MYO18B: variants seen among roughly 807,000 people sequenced by gnomAD.
MYO18B encodes the protein myosin XVIIIB.
A neutral mutation model predicts 273.0 loss-of-function variants in MYO18B; 204 were observed. That is an observed-to-expected ratio of 0.75 (90% CI 0.67 to 0.84). The LOEUF (loss-of-function observed/expected upper bound fraction) is 0.84, where lower values mean the gene tolerates loss of function less well. Ranked by LOEUF, MYO18B falls within the 40% of genes least tolerant of loss-of-function variation. The pLI is 0.00. For synonymous variants in MYO18B, 1,330 were observed against 1,305.7 expected (o/e 1.02, Z -0.40); for missense variants, 3,212 against 3,287.6 (o/e 0.98, Z 0.56).
chr22:25,748,374 G>A (rs1021620356), intron 1 of MYO18B, among the ~76,000 whole-genome samples: 1 of 152,164 alleles, frequency 6.6e-6, no homozygotes, highest in Admixed American at 6.5e-5. Flanking sequence ...TGGATGCCAG[G>A]ATATAGGAGA....
intron 21 of MYO18B, among the ~76,000 whole-genome samples, chr22:25,867,755 G>A (rs980569183): frequency 9.2e-5 from 14 of 151,902 alleles, no homozygotes; most frequent in Middle Eastern, 3.2e-3. Flanking sequence ...TCAGCCTCCC[G>A]AGTAGCTGGG....
At chr22:25,959,156 G>A (rs1169360716) in intron 39 of MYO18B, 2 of 151,852 alleles carry the variant, frequency 1.3e-5, no homozygotes, top group Non-Finnish European at 2.9e-5. Flanking sequence ...GGCATGCACT[G>A]TGATTTGAGG....
At chr22:25,783,454 C>T (rs1490291811) in intron 10 of MYO18B, among the ~76,000 whole-genome samples, 1 of 152,214 alleles carries the variant, frequency 6.6e-6, no homozygotes, top group African/African-American at 2.4e-5. Flanking sequence ...GCCCCGTGGC[C>T]TCACCTCTTG....
downstream of MYO18B, among the ~76,000 whole-genome samples, chr22:26,034,618 C>A (rs1035069992): frequency 1.3e-5 from 2 of 152,192 alleles, no homozygotes; most frequent in Non-Finnish European, 2.9e-5. Context: ...CTGATGTAAC[C>A]AAAATTATTT....
In MYO18B at chr22:25,763,223, C is replaced by T. The variant is rs776692291; in HGVS notation, c.40-8C>T. The T allele has an allele frequency of 1.2e-6, 2 of 1,608,044 alleles. No homozygotes were observed. The highest frequency in any genetic ancestry group is 3.4e-5 in the Admixed American group (2 of 59,368). On this transcript the variant is annotated splice_polypyrimidine_tract_variant and splice_region_variant and intron_variant, in intron 2 of 43. Transcript: ENST00000335473. ...TGAGCTCTCTCTTTCCTTGCTTCTG[C>T]AAAACAGATTCGGGAAGAGGACAAG...
chr22:25,768,082 G>GCTGAC (rs753647826), intron 3 of MYO18B, 33 bp from the exon 4 acceptor site: 1 of 1,524,928 alleles, frequency 6.6e-7, no homozygotes, highest in Admixed American at 2.0e-5. Flanking sequence ...TCAGCAAGCA[G>GCTGAC]CTATGTAGGC....
the MYO18B span, among the ~76,000 whole-genome samples, chr22:26,059,042 TAAAAG>T: frequency 1.3e-5 from 2 of 151,832 alleles, no homozygotes; most frequent in Admixed American, 1.3e-4. Flanking sequence ...GTGACCATGA[TAAAAG>T]AAAAGGTTAT....
intron 39 of MYO18B, among the ~76,000 whole-genome samples, chr22:25,975,486 G>A (rs141938228): frequency 3.3e-5 from 5 of 152,316 alleles, no homozygotes; most frequent in Admixed American, 6.5e-5. Flanking sequence ...TGTGCAAAGT[G>A]CTTTCGATAT....
rs2093280339 is a variant in MYO18B at position 25,992,499 on chromosome 22, T to A, written c.6287+6T>A. ...AGTGACAGTGATACTGAGAGGTAAC[T>A]TGCTAGGGGCTCGGCGGGGCTGGGC... On this transcript the variant is annotated splice_donor_region_variant and intron_variant, in intron 40 of 43. Coordinates refer to ENST00000335473, the MANE Select transcript of MYO18B (RefSeq NM_032608.7). 2 of 1,613,838 alleles carry A rather than the reference T, an allele frequency of 1.2e-6. No homozygotes were observed. Among genetic ancestry groups the A allele is most frequent in the East Asian group, 4.5e-5 (2 of 44,880 alleles).
chr22:25,793,597 G>A (rs1446373692), intron 11 of MYO18B, among the ~76,000 whole-genome samples: 8 of 152,130 alleles, frequency 5.3e-5, no homozygotes, highest in Admixed American at 5.2e-4. Flanking sequence ...AGGGACTTTT[G>A]CAAAGTCACA....
Position 25,882,129 on chromosome 22 carries a change from A to G in MYO18B, c.4314+4081A>G, listed in dbSNP as rs2091354585. On this transcript the variant is annotated intron_variant, in intron 25 of 43. Coordinates refer to ENST00000335473, the MANE Select transcript of MYO18B (RefSeq NM_032608.7). ...CACTAGCCTTGTTGTTTCCCCTCAC[A>G]GGATTAATTGACTCTTTCCTAGTGA... 2.6e-5 allele frequency among the ~76,000 whole-genome samples: 4 copies of G among 152,130 alleles called. No individual in the cohort carries two copies. In the South Asian group the frequency reaches 8.3e-4, roughly 32 times the overall value.
intron 7 of MYO18B, among the ~76,000 whole-genome samples, chr22:25,774,280 C>T (rs1280087250): frequency 6.6e-6 from 1 of 152,200 alleles, no homozygotes; most frequent in African/African-American, 2.4e-5. Flanking sequence ...CCTGGGAGGA[C>T]CTCAGAAGCT....
rs529638971 is a variant in MYO18B at position 25,928,916 on chromosome 22, C to T, written c.5517+7507C>T. 4.2e-4 allele frequency among the ~76,000 whole-genome samples: 64 copies of T among 152,266 alleles called. 1 individual carries two copies. The South Asian group carries it at 0.012, about 29-fold the overall frequency. On this transcript the variant is annotated intron_variant, in intron 34 of 43. Transcript: ENST00000335473. ...GTGGCTCATGCCTGTAATCCCAGCA[C>T]TTTGGGAGGCCAAGGCGGGCGGGTC...
At chr22:25,990,169 G>A (rs2093249443) in intron 39 of MYO18B, among the ~76,000 whole-genome samples, 1 of 152,134 alleles carries the variant, frequency 6.6e-6, no homozygotes, top group South Asian at 2.1e-4. Flanking sequence ...ACACTGGAAA[G>A]GCACAGACTT....
intron 33 of MYO18B, among the ~76,000 whole-genome samples, chr22:25,920,538 AT>A (rs2092325704): frequency 6.6e-6 from 1 of 152,152 alleles, no homozygotes; most frequent in African/African-American, 2.4e-5. Context: ...TCCCTGGCAA[AT>A]TCAAGATTCT....
At chr22:26,026,405 T>A (rs1161106592) in intron 42 of MYO18B, 40 bp from the exon 43 acceptor site, 1 of 1,563,042 alleles carries the variant, frequency 6.4e-7, no homozygotes, top group African/African-American at 1.4e-5. Flanking sequence ...TTGTATGAAT[T>A]GCACAATTTC....
chr22:25,889,219 A>T (rs2091589702), intron 25 of MYO18B, among the ~76,000 whole-genome samples: 1 of 151,984 alleles, frequency 6.6e-6, no homozygotes, highest in Non-Finnish European at 1.5e-5. Flanking sequence ...TTCCTTCTTC[A>T]TGGGACAGCT....
chr22:26,050,993 T>A, the MYO18B span, among the ~76,000 whole-genome samples: 1 of 152,124 alleles, frequency 6.6e-6, no homozygotes, highest in Non-Finnish European at 1.5e-5. Context: ...AGGATAGATA[T>A]GGTTCTGAGA....
intron 42 of MYO18B, among the ~76,000 whole-genome samples, chr22:26,018,712 G>A (rs1486417403): frequency 6.6e-6 from 1 of 152,166 alleles, no homozygotes; most frequent in African/African-American, 2.4e-5. Flanking sequence ...TAGCACTTTG[G>A]GAGGCTGAGG....
Sources: gnomAD v4.1 joint callset for allele counts (sites outside exome capture counted in the v4.1 genomes callset) on GRCh38, gnomAD v4.1.1 for gene constraint, MANE v1.5 for transcripts, NCBI Gene and HGNC (gene_info 2026-07-23, HGNC 2026-07-21) for gene names.